Variants in PRAME observed in about 807,000 individuals in gnomAD.
The protein encoded by PRAME is melanoma antigen preferentially expressed in tumors.
A neutral mutation model predicts 32.1 loss-of-function variants in PRAME; 21 were observed. The ratio of observed to expected loss-of-function variants is 0.65; its 90% CI spans 0.46 to 0.94. The LOEUF is 0.94. Among genes scored for constraint, PRAME ranks in the 40% least tolerant of loss-of-function variants. PRAME has a pLI of 0.00. For synonymous variants in PRAME, 274 were observed against 251.5 expected, an observed-to-expected ratio of 1.09 and a Z score of -0.85; for missense variants, 651 against 622.3, an observed-to-expected ratio of 1.05 and a Z score of -0.49.
chr22:22,554,904 T>C (rs781687006), intron 3 of PRAME, among the ~76,000 whole-genome samples: 2 of 151,700 alleles, frequency 1.3e-5, no homozygotes, highest in African/African-American at 2.4e-5. Context: ...CGCGATCAAG[T>C]GTGAGTTGTG....
Position 22,548,590 on chromosome 22 carries a change from T to C in PRAME, c.1007A>G (p.Glu336Gly), listed in dbSNP as rs771414610. The C allele has an allele frequency of 4.3e-6, 7 of 1,611,408 alleles. No individual in the cohort carries two copies. In the Admixed American group the frequency reaches 1.2e-4, roughly 27 times the overall value. The change falls in exon 6 of 6, where the codon GAA becomes GGA. Residue 336 changes from glutamate to glycine, a missense_variant. Glu to Gly is a moderately conservative substitution (Grantham distance 98). Transcript: ENST00000405655. ...TLSITNCRLS[E>G]GDVMHLSQSP... The stretch of plus-strand genomic sequence containing the variant: ...CTGGGACAGATGCATCACATCCCCT[T>C]CCGAAAGCCGGCAGTTAGTTATTGA...
chr22:22,550,864 G>C lies in PRAME; in HGVS notation c.247C>G (p.Leu83Val). ...VQAWPFTCLP[L>V]GVLMKGQHLH... is the part of the protein sequence containing the mutation. ...TGTTGTCCCTTCATCAGCACTCCCAGAGGGAGGCAGGTGAAGGGCCAGGCC... is the reference window on the plus strand; with the variant it reads ...TGTTGTCCCTTCATCAGCACTCCCACAGGGAGGCAGGTGAAGGGCCAGGCC... Residue 83 changes from leucine to valine, a missense_variant, in exon 4 of 6, where the codon CTG (leucine) becomes GTG (valine). Physicochemically the swap from Leu to Val is conservative, Grantham distance 32. Coordinates refer to ENST00000405655, the MANE Select transcript of PRAME (RefSeq NM_206956.3). The C allele has an allele frequency of 6.2e-7, 1 of 1,613,808 alleles. No homozygotes were observed. The highest frequency in any genetic ancestry group is 8.5e-7 in the Non-Finnish European group (1 of 1,179,888).
rs542817354 is a variant in PRAME at position 22,555,008 on chromosome 22, G to A, written c.21+1804C>T. On this transcript the variant is annotated intron_variant, in intron 3 of 5. Transcript: ENST00000405655. ...TTGTCCAGTGGCACTGGAGGAAGCA[G>A]CACCAGGGGCACATTTGCACAAAGG... 1.3e-3 allele frequency among the ~76,000 whole-genome samples: 196 copies of A among 152,148 alleles called. 1 individual carries two copies. The highest frequency in any genetic ancestry group is 2.3e-3 in the Non-Finnish European group (159 of 68,024).
rs1601783853 is a variant in PRAME at position 22,548,075 on chromosome 22, G to T, written c.1522C>A (p.Pro508Thr). ...PEPILCPCFM[P>T]N ...TTGATATGTGCACCCAGCTAATTAG[G>T]CATGAAACAGGGGCACAGGATGGGC... The change falls in exon 6 of 6, where the codon CCT becomes ACT. Residue 508 changes from proline (P) to threonine (T), a missense_variant. Physicochemically the swap from Pro to Thr is conservative, Grantham distance 38. Coordinates refer to ENST00000405655, the MANE Select transcript of PRAME (RefSeq NM_206956.3). 2 of 1,608,956 alleles carry T rather than the reference G, an allele frequency of 1.2e-6. 1 individual carries two copies. Among genetic ancestry groups the T allele is most frequent in the Non-Finnish European group, 1.7e-6 (2 of 1,176,742 alleles).
rs367787696 is a variant in PRAME, at chr22:22,549,835, C to T, written c.844G>A (p.Glu282Lys). 1.2e-6 allele frequency: 2 copies of T among 1,613,812 alleles called. No homozygotes were observed. Residue 282 changes from glutamate (E) to lysine (K), a missense_variant, in exon 5 of 6, where the codon GAG (glutamate) becomes AAG (lysine). Glu to Lys is a moderately conservative substitution (Grantham distance 56). Coordinates refer to ENST00000405655, the MANE Select transcript of PRAME (RefSeq NM_206956.3). ...GAGGTGAACTGGGCGATATACTGCT[C>T]TTCCTTCTCCGGGGAAATGTAGGAA... ...ASSYISPEKE[E>K]QYIAQFTSQF... is the part of the protein sequence containing the mutation.
chr22:22,549,712 T>A lies in PRAME; in HGVS notation c.953+14A>T, dbSNP rs753988918. ...GCTTGCTCTGGTCTGCAGAGAAATC[T>A]CACCATCCCTCACCTGAGCAACTGA... is the stretch of plus-strand genomic sequence containing the variant. On this transcript the variant is annotated intron_variant, in intron 5 of 5. Transcript: ENST00000405655. 6.4e-7 allele frequency: 1 copy of A among 1,572,472 alleles called. No individual in the cohort carries two copies. The highest frequency in any genetic ancestry group is 1.2e-5 in the South Asian group (1 of 83,128).
intron 3 of PRAME, chr22:22,553,971 T>C (rs1202751744): frequency 4.1e-6 from 4 of 985,218 alleles, no homozygotes; most frequent in Non-Finnish European, 4.8e-6. Flanking sequence ...AAAACAGCTG[T>C]TCTTTCTTGC....
chr22:22,549,899 A>T lies in PRAME; in HGVS notation c.780T>A (p.Ile260=). The change falls in exon 5 of 6, where the codon ATT becomes ATA. Residue 260 remains isoleucine (I), a synonymous_variant. Coordinates refer to ENST00000405655, the MANE Select transcript of PRAME (RefSeq NM_206956.3). The part of the protein sequence containing the change: ...AKFSPYLGQM[I]NLRRLLLSHI... ...GGGAGAGGAGGAGTCTACGCAGATT[A>T]ATCATCTGGCCCAGGTAAGGAGAAA... is the stretch of plus-strand genomic sequence containing the variant. The T allele has an allele frequency of 6.2e-7, 1 of 1,613,882 alleles. No homozygotes were observed. The highest frequency in any genetic ancestry group is 8.5e-7 in the Non-Finnish European group (1 of 1,179,970).
intron 3 of PRAME, chr22:22,552,806 C>A (rs894580172): frequency 2.1e-6 from 1 of 470,600 alleles, no homozygotes; most frequent in Non-Finnish European, 4.4e-6. Flanking sequence ...GCTCCCGACT[C>A]ACCAGACCCA....
At chr22:22,554,910 T>C (rs2147030627) in intron 3 of PRAME, among the ~76,000 whole-genome samples, 1 of 151,852 alleles carries the variant, frequency 6.6e-6, no homozygotes, top group South Asian at 2.1e-4. Flanking sequence ...CAAGTGTGAG[T>C]TGTGTAATCT....
Position 22,548,617 on chromosome 22 carries a change from AGGGTT to A in PRAME, c.975_979del (p.Glu325AspfsTer5). 6.2e-7 allele frequency: 1 copy of A among 1,603,926 alleles called. No individual in the cohort carries two copies. The highest frequency in any genetic ancestry group is 8.5e-7 in the Non-Finnish European group (1 of 1,178,916). On this transcript the variant is annotated frameshift_variant, in exon 6 of 6. Coordinates refer to ENST00000405655, the MANE Select transcript of PRAME (RefSeq NM_206956.3). LOFTEE classifies it low-confidence loss of function (END_TRUNC). ...CGAAAGCCGGCAGTTAGTTATTGAGAGGGTTTCCAAGGGGTTCATCACGTGCCTGC... is the reference window on the plus strand; with the variant it reads ...CGAAAGCCGGCAGTTAGTTATTGAGATCCAAGGGGTTCATCACGTGCCTGC...
chr22:22,558,568 G>T (rs1232497127), intron 1 of PRAME, among the ~76,000 whole-genome samples: 28 of 135,610 alleles, frequency 2.1e-4, no homozygotes, highest in African/African-American at 7.8e-4. Context: ...TCAGAAGGTG[G>T]GGGGTGAGGG....
At chr22:22,555,518 G>A (rs937815605) in intron 3 of PRAME, among the ~76,000 whole-genome samples, 3 of 151,918 alleles carry the variant, frequency 2.0e-5, no homozygotes, top group Admixed American at 6.6e-5. Context: ...GATTACAAGA[G>A]TGAGCCACCA....
At position 22,550,713 on chromosome 22, in the gene PRAME, T is replaced by A. The variant is rs774713197; in HGVS notation, c.344+54A>T. ...GCGCTCCATGCTCCCTGACCCCAGC[T>A]GCATCCTGCTCAGGTTCCCAGGGCC... On this transcript the variant is annotated intron_variant, in intron 4 of 5. Coordinates refer to ENST00000405655, the MANE Select transcript of PRAME (RefSeq NM_206956.3). 19 of 1,508,942 alleles carry A rather than the reference T, an allele frequency of 1.3e-5. 1 individual carries two copies. Among genetic ancestry groups the A allele is most frequent in the Non-Finnish European group, 1.6e-5 (18 of 1,120,638 alleles). 93.5% of individuals were successfully genotyped at this position (1,508,942 alleles called of 1,614,324 possible). A position where few individuals can be genotyped will look rare whatever the true frequency, so the allele number is the denominator to read the frequency against.
chr22:22,550,978 G>A lies in PRAME; in HGVS notation c.133C>T (p.Leu45=). The A allele has an allele frequency of 6.2e-7, 1 of 1,613,306 alleles. No homozygotes were observed. Among genetic ancestry groups the A allele is most frequent in the Non-Finnish European group, 8.5e-7 (1 of 1,179,860 alleles). ...LKDEALAIAA[L]ELLPRELFPP... ...AAGAGCTCCCTGGGCAGCAACTCCA[G>A]GGCGGCAATGGCCAGGGCCTCATCC... Residue 45 remains leucine, a synonymous_variant, in exon 4 of 6, where the codon CTG becomes TTG. Transcript: ENST00000405655.
At chr22:22,555,873 G>C (rs889487148) in intron 3 of PRAME, 6 of 470,844 alleles carry the variant, frequency 1.3e-5, no homozygotes, top group African/African-American at 1.2e-4. Flanking sequence ...TGAGATCAAA[G>C]CCTCCTGGAG....
intron 3 of PRAME, chr22:22,554,130 G>A (rs761650193): frequency 4.4e-5 from 43 of 984,972 alleles, no homozygotes; most frequent in Non-Finnish European, 5.2e-5. Flanking sequence ...GGCATTTAAG[G>A]ATCTGCTTAG....
chr22:22,554,734 A>AAT (rs1196472442), intron 3 of PRAME, among the ~76,000 whole-genome samples: 1 of 151,924 alleles, frequency 6.6e-6, no homozygotes, highest in African/African-American at 2.4e-5. Context: ...GGAGTTTAGA[A>AAT]AGAGTTTCAT....
rs564385883 is a variant in PRAME, at chr22:22,556,606, C to T, written c.21+206G>A. Reference sequence around the variant, plus strand: ...GATTACAGGCATGAGCCACCGTGCCCGACCCTAGGGTTGACTCTCATACAA... The same window carrying T: ...GATTACAGGCATGAGCCACCGTGCCTGACCCTAGGGTTGACTCTCATACAA... On this transcript the variant is annotated intron_variant, in intron 3 of 5. Transcript: ENST00000405655. 3.9e-5 allele frequency among the ~76,000 whole-genome samples: 6 copies of T among 152,034 alleles called. No homozygotes were observed. In the South Asian group the frequency reaches 1.0e-3, roughly 26 times the overall value.
Sources: gnomAD v4.1 joint callset for allele counts (sites outside exome capture counted in the v4.1 genomes callset) on GRCh38, gnomAD v4.1.1 for gene constraint, MANE v1.5 for transcripts, NCBI Gene and HGNC (gene_info 2026-07-23, HGNC 2026-07-21) for gene names.